PTPRD: variants seen among roughly 807,000 people sequenced by gnomAD.
PTPRD encodes the protein protein tyrosine phosphatase receptor type D, also known as receptor-type tyrosine-protein phosphatase delta.
A neutral mutation model predicts 214.5 loss-of-function variants in PTPRD; 34 were observed. The ratio of observed to expected loss-of-function variants is 0.16; its 90% confidence interval spans 0.12 to 0.21. The LOEUF (loss-of-function observed/expected upper bound fraction) is 0.21. Among genes scored for constraint, PTPRD ranks in the 10% least tolerant of loss-of-function variants. The pLI is 1.00. For synonymous variants in PTPRD, 1,128 were observed against 845.7 expected (o/e 1.33, Z -5.79); for missense variants, 2,545 against 2,398.7 (o/e 1.06, Z -1.27).
In PTPRD at chr9:8,491,450, C is replaced by T. The variant is rs1248439132; in HGVS notation, c.2467+1412G>A. On this transcript the variant is annotated intron_variant, in intron 27 of 45. Transcript: ENST00000381196. ...TTTAATGGGCAACAGGGGAGTGGTG[C>T]TTCATATAAAACATTTCAGAGTTAT... 5.3e-5 allele frequency among the ~76,000 whole-genome samples: 8 copies of T among 152,166 alleles called. No homozygotes were observed. The East Asian group carries it at 1.4e-3, about 26-fold the overall frequency.
intron 2 of PTPRD, among the ~76,000 whole-genome samples, chr9:10,388,600 T>G (rs542431796): frequency 6.6e-6 from 1 of 151,842 alleles, no homozygotes; most frequent in Non-Finnish European, 1.5e-5. Context: ...TATATTGAAT[T>G]TATCTTTGAC....
At chr9:10,264,097 G>A (rs761447970) in intron 3 of PTPRD, among the ~76,000 whole-genome samples, 4 of 152,196 alleles carry the variant, frequency 2.6e-5, no homozygotes, top group African/African-American at 2.4e-5. Flanking sequence ...GGATATATGG[G>A]AACACCTGGA....
chr9:9,779,160 G>GAATGAAAT (rs1429140770), intron 5 of PTPRD, among the ~76,000 whole-genome samples: 1 of 127,828 alleles, frequency 7.8e-6, no homozygotes, highest in Non-Finnish European at 1.6e-5. Flanking sequence ...ACATGGAAAA[G>GAATGAAAT]AATGAAATTA....
chr9:9,232,927 G>T (rs2099964029), intron 9 of PTPRD, among the ~76,000 whole-genome samples: 1 of 152,036 alleles, frequency 6.6e-6, no homozygotes, highest in African/African-American at 2.4e-5. Context: ...TATAAACCTA[G>T]AAAAATACTA....
chr9:9,882,423 C>A (rs1296161443), intron 5 of PTPRD, among the ~76,000 whole-genome samples: 1 of 152,074 alleles, frequency 6.6e-6, no homozygotes, highest in Non-Finnish European at 1.5e-5. Flanking sequence ...AAGTTGGTTT[C>A]TTCTGCTGAG....
intron 2 of PTPRD, among the ~76,000 whole-genome samples, chr9:10,576,553 C>T (rs946505994): frequency 5.3e-5 from 8 of 152,048 alleles, no homozygotes. Flanking sequence ...TAGAGCATGG[C>T]GGACTCACCT....
intron 5 of PTPRD, among the ~76,000 whole-genome samples, chr9:9,933,255 A>C (rs1487434388): frequency 6.6e-6 from 1 of 152,270 alleles, no homozygotes; most frequent in Non-Finnish European, 1.5e-5. Flanking sequence ...AATGGAGTAC[A>C]TGCTCCAATT....
intron 3 of PTPRD, among the ~76,000 whole-genome samples, chr9:10,103,377 T>TTTTATATA (rs1554643479): frequency 1.4e-5 from 1 of 72,424 alleles, no homozygotes; most frequent in South Asian, 3.2e-4. Context: ...AAACTGCATA[T>TTTTATATA]TATATATATA....
chr9:10,276,891 T>C (rs149325948), intron 3 of PTPRD, among the ~76,000 whole-genome samples: 1 of 152,336 alleles, frequency 6.6e-6, no homozygotes, highest in East Asian at 1.9e-4. Context: ...ACACAAACTA[T>C]ACAAAGTTTG....
At chr9:8,877,205 G>A (rs983108645) in intron 11 of PTPRD, among the ~76,000 whole-genome samples, 3 of 152,140 alleles carry the variant, frequency 2.0e-5, no homozygotes, top group African/African-American at 4.8e-5. Flanking sequence ...GATTAAAGGC[G>A]TGAACCACCG....
At chr9:10,038,322 C>T (rs1441410) in intron 3 of PTPRD, among the ~76,000 whole-genome samples, 7 of 151,950 alleles carry the variant, frequency 4.6e-5, no homozygotes, top group Admixed American at 3.9e-4. Flanking sequence ...TAACCTATTA[C>T]TGATAAATCC....
chr9:9,856,884 A>G (rs1345426030), intron 5 of PTPRD, among the ~76,000 whole-genome samples: 1 of 152,246 alleles, frequency 6.6e-6, no homozygotes, highest in Non-Finnish European at 1.5e-5. Flanking sequence ...GATAAAATGT[A>G]AAATAGAAAT....
chr9:10,108,269 C>A (rs182206834), intron 3 of PTPRD, among the ~76,000 whole-genome samples: 595 of 152,186 alleles, frequency 3.9e-3, no homozygotes, highest in Non-Finnish European at 6.4e-3. Flanking sequence ...CTGGCTAAAT[C>A]AAGCCAATTA....
At chr9:8,459,927 T>C (rs1319519245) in intron 33 of PTPRD, among the ~76,000 whole-genome samples, 4 of 152,146 alleles carry the variant, frequency 2.6e-5, no homozygotes, top group Non-Finnish European at 4.4e-5. Flanking sequence ...TTAATTTTTA[T>C]CTGCTTTTGC....
At chr9:9,198,984 G>A (rs1052356804) in intron 9 of PTPRD, among the ~76,000 whole-genome samples, 5 of 152,230 alleles carry the variant, frequency 3.3e-5, no homozygotes, top group Admixed American at 2.0e-4. Context: ...ATGGCAGGAA[G>A]ATATAACTTA....
intron 3 of PTPRD, among the ~76,000 whole-genome samples, chr9:10,188,104 C>G (rs1197517329): frequency 3.3e-5 from 5 of 152,016 alleles, no homozygotes; most frequent in African/African-American, 9.7e-5. Flanking sequence ...TTTCGAAAAC[C>G]CATGGTATTT....
chr9:8,838,914 G>C (rs926211389), intron 11 of PTPRD, among the ~76,000 whole-genome samples: 1 of 151,078 alleles, frequency 6.6e-6, no homozygotes, highest in Non-Finnish European at 1.5e-5. Context: ...TAATAAGAGA[G>C]AAAAAAAACC....
intron 35 of PTPRD, among the ~76,000 whole-genome samples, chr9:8,409,907 T>C (rs1373352815): frequency 2.0e-5 from 3 of 152,194 alleles, no homozygotes; most frequent in African/African-American, 4.8e-5. Context: ...TTACAGGGAA[T>C]TGAACTTTCA....
intron 3 of PTPRD, among the ~76,000 whole-genome samples, chr9:10,162,236 T>C (rs1463246922): frequency 2.0e-5 from 3 of 151,462 alleles, no homozygotes; most frequent in African/African-American, 4.8e-5. Context: ...CAAAGAAATA[T>C]GTACATTCCT....
Sources: gnomAD v4.1 joint callset for allele counts (sites outside exome capture counted in the v4.1 genomes callset) on GRCh38, gnomAD v4.1.1 for gene constraint, MANE v1.5 for transcripts, NCBI Gene and HGNC (gene_info 2026-07-23, HGNC 2026-07-21) for gene names.